The following MINDY1 variants were observed in gnomAD, a reference collection of about 807,000 sequenced individuals.
MINDY1 encodes MINDY lysine 48 deubiquitinase 1.
Under a neutral mutation model 53.6 loss-of-function variants are expected in MINDY1, and 50 were observed. That is an observed-to-expected ratio of 0.93 (90% CI 0.74 to 1.18). The LOEUF (loss-of-function observed/expected upper bound fraction) is 1.18, where lower values mean the gene tolerates loss of function less well. MINDY1 is among the 50% of genes most tolerant of loss of function. The pLI is 0.00. For synonymous variants in MINDY1, 231 were observed against 234.7 expected (o/e 0.98, Z 0.14); for missense variants, 484 against 578.6 (o/e 0.84, Z 1.68).
At chr1:151,000,389 G>A (rs587665091) in intron 5 of MINDY1, 68 bp downstream of exon 5, 13 of 1,505,366 alleles carry the variant, frequency 8.6e-6, no homozygotes, top group East Asian at 2.3e-5. Context: ...ACCTCTACCC[G>A]ACAAAAATTT....
upstream of MINDY1, chr1:151,007,027 C>T (rs1339782219): frequency 6.0e-6 from 2 of 335,138 alleles, no homozygotes; most frequent in African/African-American, 4.5e-5. Context: ...TCCACAGAAG[C>T]AGGAGCAAAG....
At chr1:151,007,856 A>G (rs1673399116), upstream of MINDY1, among the ~76,000 whole-genome samples, 1 of 152,216 alleles carries the variant, frequency 6.6e-6, no homozygotes, top group Non-Finnish European at 1.5e-5. Flanking sequence ...AAAGGCTGAA[A>G]GAGCAATTGG....
intron 1 of MINDY1, among the ~76,000 whole-genome samples, chr1:151,003,308 G>A (rs1434720344): frequency 2.6e-5 from 4 of 152,168 alleles, no homozygotes; most frequent in African/African-American, 7.2e-5. Flanking sequence ...GGCACAGAGA[G>A]TCAGTTTCAT....
At position 151,006,456 on chromosome 1, in the gene MINDY1, C is replaced by G; in HGVS notation, c.-234G>C. On this transcript the variant is annotated 5_prime_UTR_variant, in exon 1 of 10. Coordinates refer to ENST00000683666, the MANE Select transcript of MINDY1 (RefSeq NM_001376665.1). ...CCTGAGCTTATACAGGTTTACACAG[C>G]TTTATAAGCGACGGTCCAGGCTGGG... is the stretch of plus-strand genomic sequence containing the variant. The G allele has an allele frequency of 8.6e-7, 1 of 1,161,276 alleles. No individual in the cohort carries two copies. Among genetic ancestry groups the G allele is most frequent in the Non-Finnish European group, 1.1e-6 (1 of 934,744 alleles). The allele number at this position is 1,161,276 out of a possible 1,614,324, so 71.9% of individuals were successfully genotyped here. A position where few individuals can be genotyped will look rare whatever the true frequency, so the allele number is the denominator to read the frequency against.
At chr1:151,001,425 G>A in intron 3 of MINDY1, 111 bp from the exon 4 acceptor site, 1 of 1,258,904 alleles carries the variant, frequency 7.9e-7, no homozygotes, top group South Asian at 1.3e-5. Context: ...TTTCAGAGCT[G>A]GAAAATACTT....
intron 7 of MINDY1, among the ~76,000 whole-genome samples, chr1:150,998,546 C>T (rs987125129): frequency 4.6e-5 from 7 of 152,122 alleles, no homozygotes; most frequent in Admixed American, 2.0e-4. Flanking sequence ...TTAGTAGAGA[C>T]GGGGTTTCAC....
chr1:151,005,149 A>G (rs1673033877), intron 1 of MINDY1, among the ~76,000 whole-genome samples: 1 of 152,222 alleles, frequency 6.6e-6, no homozygotes, highest in African/African-American at 2.4e-5. Context: ...AAAGTGAAAA[A>G]GCTTGAAGAA....
Position 151,002,960 on chromosome 1 carries a change from T to C in MINDY1, c.-89-254A>G, listed in dbSNP as rs2102855428. The C allele has an allele frequency of 7.8e-7, 1 of 1,279,544 alleles. No homozygotes were observed. The highest frequency in any genetic ancestry group is 9.9e-7 in the Non-Finnish European group (1 of 1,008,922). 79.3% of individuals were successfully genotyped at this position (1,279,544 alleles called of 1,614,324 possible). A position where few individuals can be genotyped will look rare whatever the true frequency, so the allele number is the denominator to read the frequency against. ...GGTGGGATTGAACACATGGGTGGAG[T>C]CAGCTTCCCTGAAACAGATCATGAC... On this transcript the variant is annotated intron_variant, in intron 1 of 9. Coordinates refer to ENST00000683666, the MANE Select transcript of MINDY1 (RefSeq NM_001376665.1). The surrounding 1 kb of genome is among the most constrained non-coding windows in gnomAD (Gnocchi z 4.1).
Position 151,002,453 on chromosome 1 carries a change from T to A in MINDY1, c.165A>T (p.Gln55His). ...GEAREREPADQALLPSQCGDN... is the reference protein window; with the variant it reads ...GEAREREPADHALLPSQCGDN... ...CCCCACACTGGCTAGGCAGCAAAGC[T>A]TGGTCTGCTGGCTCCCGTTCTCTAG... The change falls in exon 2 of 10, where the codon CAA (glutamine) becomes CAT (histidine). Residue 55 changes from glutamine to histidine, a missense_variant. Gln to His is a conservative substitution (Grantham distance 24). Transcript: ENST00000683666. This position sits in a 1 kb window ranked among gnomAD's most constrained non-coding sequence, Gnocchi z 4.1. 2 of 1,614,184 alleles carry A rather than the reference T, an allele frequency of 1.2e-6. No homozygotes were observed. Among genetic ancestry groups the A allele is most frequent in the Non-Finnish European group, 1.7e-6 (2 of 1,180,030 alleles).
chr1:150,998,322 C>A, intron 7 of MINDY1, 49 bp from the exon 8 acceptor site: 3 of 1,522,868 alleles, frequency 2.0e-6, no homozygotes, highest in Non-Finnish European at 1.8e-6. Context: ...GATACGGAGG[C>A]AGTTCACTGC....
chr1:151,007,585 A>G (rs1673367683), upstream of MINDY1, among the ~76,000 whole-genome samples: 1 of 152,204 alleles, frequency 6.6e-6, no homozygotes, highest in African/African-American at 2.4e-5. Flanking sequence ...GTTCCACTGC[A>G]GGCCTCTCAT....
intron 9 of MINDY1, 28 bp downstream of exon 9, chr1:150,997,596 G>T: frequency 6.2e-7 from 1 of 1,604,192 alleles, no homozygotes; most frequent in South Asian, 1.1e-5. Context: ...TGGAAACCGG[G>T]AGTGTGGGCG....
intron 8 of MINDY1, 43 bp downstream of exon 8, chr1:150,998,039 A>G (rs980351878): frequency 6.4e-7 from 1 of 1,556,336 alleles, no homozygotes; most frequent in Non-Finnish European, 8.7e-7. Flanking sequence ...AAGCTCTCTG[A>G]GGCACATGTG....
At chr1:151,000,405 T>C (rs761131545) in intron 5 of MINDY1, 52 bp downstream of exon 5, 7 of 1,525,588 alleles carry the variant, frequency 4.6e-6, no homozygotes, top group Non-Finnish European at 6.1e-6. Flanking sequence ...AATTTGCCTC[T>C]CTCATGTCAG....
chr1:151,000,323 G>A (rs905588647), intron 5 of MINDY1, 134 bp downstream of exon 5: 10 of 881,658 alleles, frequency 1.1e-5, no homozygotes, highest in Non-Finnish European at 1.5e-5. Flanking sequence ...TTCTGTACTG[G>A]GTCCAGTCTC....
At position 151,006,658 on chromosome 1, in the gene MINDY1, G is replaced by A. The variant is rs1390379223; in HGVS notation, c.-436C>T. 1.0e-6 allele frequency: 1 copy of A among 986,228 alleles called. No individual in the cohort carries two copies. The highest frequency in any genetic ancestry group is 1.7e-5 in the African/African-American group (1 of 57,244). The allele number at this position is 986,228 out of a possible 1,614,324, so 61.1% of individuals were successfully genotyped here. A position where few individuals can be genotyped will look rare whatever the true frequency, so the allele number is the denominator to read the frequency against. On this transcript the variant is annotated 5_prime_UTR_variant, in exon 1 of 10. It introduces an in-frame stop codon into an upstream open reading frame of the 5' UTR. Transcript: ENST00000683666. Reference sequence around the variant, plus strand: ...ACAAGCTGGTTTTCAAAGGAAGTTTGTGGTTTTTCTTTTCTTCTCTCTCTC... The same window carrying A: ...ACAAGCTGGTTTTCAAAGGAAGTTTATGGTTTTTCTTTTCTTCTCTCTCTC...
At chr1:150,998,602 C>A (rs191441162) in intron 7 of MINDY1, among the ~76,000 whole-genome samples, 214 of 152,252 alleles carry the variant, frequency 1.4e-3, no homozygotes, top group African/African-American at 4.6e-3. Context: ...ATGATCTGCC[C>A]GCCTCGGCCT....
chr1:151,000,085 T>G, intron 5 of MINDY1, 121 bp from the exon 6 acceptor site: 2 of 546,828 alleles, frequency 3.7e-6, no homozygotes. Context: ...CCTAAACACT[T>G]TTTTTTTTTG....
At position 151,006,843 on chromosome 1, in the gene MINDY1, A is replaced by G. The variant is rs587660136; in HGVS notation, c.-621T>C. On this transcript the variant is annotated 5_prime_UTR_variant, in exon 1 of 10. Coordinates refer to ENST00000683666, the MANE Select transcript of MINDY1 (RefSeq NM_001376665.1). ...GAGCGAGAAACAGGAGAGAAAAACA[A>G]CAGACCCTTTCTCTTCCCTCTGCCT... The G allele has an allele frequency of 1.0e-6, 1 of 985,506 alleles. No individual in the cohort carries two copies. The highest frequency in any genetic ancestry group is 6.1e-5 in the Admixed American group (1 of 16,274). The allele number at this position is 985,506 out of a possible 1,614,324, so 61.0% of individuals were successfully genotyped here. A position where few individuals can be genotyped will look rare whatever the true frequency, so the allele number is the denominator to read the frequency against.
Sources: gnomAD v4.1 joint callset for allele counts (sites outside exome capture counted in the v4.1 genomes callset) on GRCh38, gnomAD v4.1.1 for gene constraint, Gnocchi (gnomAD v3.1) non-coding constraint, MANE v1.5 for transcripts, NCBI Gene and HGNC (gene_info 2026-07-23, HGNC 2026-07-21) for gene names.